CMKLR1: variants seen among roughly 807,000 people sequenced by gnomAD.
CMKLR1 encodes the protein chemerin chemokine-like receptor 1.
In CMKLR1, 6 loss-of-function variants were observed where a neutral mutation model predicts 8.2. The ratio of observed to expected loss-of-function variants is 0.73; its 90% CI spans 0.40 to 1.44. The LOEUF is 1.44. Ranked by LOEUF, CMKLR1 falls within the 40% of genes most tolerant of loss-of-function variation. The pLI is 0.02. For missense variants in CMKLR1, 429 were observed against 478.0 expected, an observed-to-expected ratio of 0.90 and a Z score of 0.96; for synonymous variants, 178 against 181.2, an observed-to-expected ratio of 0.98 and a Z score of 0.14.
intron 1 of CMKLR1, among the ~76,000 whole-genome samples, chr12:108,332,623 G>C (rs138999899): frequency 6.6e-6 from 1 of 152,292 alleles, no homozygotes; most frequent in East Asian, 1.9e-4. Context: ...CATGCTGGAT[G>C]CTTCTTGCCC....
intron 2 of CMKLR1, among the ~76,000 whole-genome samples, chr12:108,321,584 T>TA (rs146255064): frequency 0.012 from 1,903 of 152,278 alleles, 41 homozygotes; most frequent in African/African-American, 0.043. Context: ...GAGCACACCC[T>TA]AACACAGAAC....
chr12:108,334,411 T>C (rs764934050), intron 1 of CMKLR1, among the ~76,000 whole-genome samples: 6 of 152,198 alleles, frequency 3.9e-5, no homozygotes, highest in Non-Finnish European at 8.8e-5. Context: ...CTCAGTGTCT[T>C]CCAGGACCAC....
intron 2 of CMKLR1, among the ~76,000 whole-genome samples, chr12:108,296,830 A>T (rs1453011052): frequency 1.3e-5 from 2 of 152,154 alleles, no homozygotes; most frequent in East Asian, 3.8e-4. Flanking sequence ...CTTCAAAAAA[A>T]AAAAAAGAGG....
chr12:108,310,107 C>T (rs867674888), intron 2 of CMKLR1, among the ~76,000 whole-genome samples: 10 of 150,888 alleles, frequency 6.6e-5, no homozygotes, highest in Admixed American at 1.3e-4. Flanking sequence ...GTGGAGCAGC[C>T]GAGGGAAATG....
At chr12:108,308,470 T>A (rs530999176) in intron 2 of CMKLR1, among the ~76,000 whole-genome samples, 7 of 150,570 alleles carry the variant, frequency 4.6e-5, no homozygotes, top group African/African-American at 1.7e-4. Flanking sequence ...GACCTCTCGC[T>A]GGCCGCTCAA....
chr12:108,299,999 T>C (rs1891227373), intron 2 of CMKLR1, among the ~76,000 whole-genome samples: 1 of 152,250 alleles, frequency 6.6e-6, no homozygotes, highest in Admixed American at 6.5e-5. Context: ...ATTGCTGGCA[T>C]ATGCATCTGA....
intron 2 of CMKLR1, among the ~76,000 whole-genome samples, chr12:108,318,231 A>G (rs1456447283): frequency 6.6e-6 from 1 of 152,220 alleles, no homozygotes; most frequent in Non-Finnish European, 1.5e-5. Context: ...CATTTTCCAC[A>G]TATTCTTAAT....
chr12:108,303,419 A>G (rs926089223), intron 2 of CMKLR1, among the ~76,000 whole-genome samples: 1 of 152,260 alleles, frequency 6.6e-6, no homozygotes, highest in African/African-American at 2.4e-5. Flanking sequence ...TTTATTAAAC[A>G]AATACACGTA....
At chr12:108,296,138 T>C (rs1566018662) in intron 2 of CMKLR1, among the ~76,000 whole-genome samples, 1 of 152,122 alleles carries the variant, frequency 6.6e-6, no homozygotes, top group Non-Finnish European at 1.5e-5. Flanking sequence ...CCTGAGCACA[T>C]TTCTGCTACC....
At chr12:108,306,436 G>A (rs1209375566) in intron 2 of CMKLR1, among the ~76,000 whole-genome samples, 1 of 151,992 alleles carries the variant, frequency 6.6e-6, no homozygotes, top group Non-Finnish European at 1.5e-5. Context: ...CTCTGACTCA[G>A]AAACCAGACT....
intron 2 of CMKLR1, among the ~76,000 whole-genome samples, chr12:108,303,326 G>A (rs1029912760): frequency 6.6e-6 from 1 of 152,224 alleles, no homozygotes; most frequent in Non-Finnish European, 1.5e-5. Flanking sequence ...CCCTTGCTGG[G>A]AAAGGGACAG....
intron 2 of CMKLR1, among the ~76,000 whole-genome samples, chr12:108,307,780 A>G (rs1878023): frequency 0.023 from 3,511 of 152,324 alleles, 124 homozygotes; most frequent in African/African-American, 0.077. Context: ...GGGACAGGGC[A>G]TTAACACCTA....
At position 108,290,574 on chromosome 12, in the gene CMKLR1, T is replaced by C. The variant is rs1212766721; in HGVS notation, c.*1267A>G. ...TTCAGATCTTAACTCTGCCACTGATTAGCTGTGTGATGCTGGGCAAGTTAC... is the reference window on the plus strand; with the variant it reads ...TTCAGATCTTAACTCTGCCACTGATCAGCTGTGTGATGCTGGGCAAGTTAC... On this transcript the variant is annotated 3_prime_UTR_variant, in exon 4 of 4. Transcript: ENST00000550402. 1 of 152,216 alleles carries C rather than the reference T, an allele frequency of 6.6e-6. No individual in the cohort carries two copies. Among genetic ancestry groups the C allele is most frequent in the Non-Finnish European group, 1.5e-5 (1 of 68,042 alleles). The allele number at this position is 152,216 out of a possible 1,614,324, so 9.4% of individuals were successfully genotyped here.
In CMKLR1 at chr12:108,288,905, A is replaced by T. The variant is rs1890876910; in HGVS notation, c.*2936T>A. 1 of 152,024 alleles carries T rather than the reference A, an allele frequency of 6.6e-6. No homozygotes were observed. Among genetic ancestry groups the T allele is most frequent in the African/African-American group, 2.4e-5 (1 of 41,358 alleles). The allele number at this position is 152,024 out of a possible 1,614,324, so 9.4% of individuals were successfully genotyped here. A position where few individuals can be genotyped will look rare whatever the true frequency, so the allele number is the denominator to read the frequency against. The stretch of plus-strand genomic sequence containing the variant: ...CAGCTCCATACCTCACTAGCTGTGC[A>T]ACTCTGAACTAGTGAAGTCTGTTCT... On this transcript the variant is annotated 3_prime_UTR_variant, in exon 4 of 4. Coordinates refer to ENST00000550402, the MANE Select transcript of CMKLR1 (RefSeq NM_001142343.2).
rs1175932307 is a variant in CMKLR1, at chr12:108,310,877, C to A, written c.-73-17213G>T. Among the ~76,000 whole-genome samples, 4 of 152,260 alleles carry A rather than the reference C, an allele frequency of 2.6e-5. No individual in the cohort carries two copies. The South Asian group carries it at 6.2e-4, about 24-fold the overall frequency. ...ACAGGAGGGAGGCAGTGCTGAGGGG[C>A]AGCCAGAACCTGCAGCTCACCAGGG... On this transcript the variant is annotated intron_variant, in intron 2 of 3. Coordinates refer to ENST00000550402, the MANE Select transcript of CMKLR1 (RefSeq NM_001142343.2).
At chr12:108,337,146 T>G (rs1042217368) in intron 1 of CMKLR1, among the ~76,000 whole-genome samples, 1 of 152,214 alleles carries the variant, frequency 6.6e-6, no homozygotes, top group Non-Finnish European at 1.5e-5. Context: ...TGCCCCTTCT[T>G]GCACAATGTT....
intron 2 of CMKLR1, among the ~76,000 whole-genome samples, chr12:108,302,077 C>T (rs917915845): frequency 6.6e-6 from 1 of 152,178 alleles, no homozygotes; most frequent in Non-Finnish European, 1.5e-5. Context: ...AACAGCGACC[C>T]TGACAGGACA....
At position 108,292,540 on chromosome 12, in the gene CMKLR1, C is replaced by T. The variant is rs913838276; in HGVS notation, c.423G>A (p.Val141=). Residue 141 remains valine (V), a synonymous_variant, in exon 4 of 4, where the codon GTG becomes GTA. Transcript: ENST00000550402. ...GGTTCTGGGACCAGACAGGGAGGAGCACAGAGATGCAGCGGTCAGAGCTGA... is the reference window on the plus strand; with the variant it reads ...GGTTCTGGGACCAGACAGGGAGGAGTACAGAGATGCAGCGGTCAGAGCTGA... The part of the protein sequence containing the change: ...TIISSDRCIS[V]LLPVWSQNHR... The T allele has an allele frequency of 1.2e-6, 2 of 1,614,114 alleles. No individual in the cohort carries two copies. The highest frequency in any genetic ancestry group is 1.7e-6 in the Non-Finnish European group (2 of 1,180,016).
At chr12:108,316,768 G>A (rs997398815) in intron 2 of CMKLR1, among the ~76,000 whole-genome samples, 7 of 152,164 alleles carry the variant, frequency 4.6e-5, no homozygotes, top group East Asian at 1.9e-4. Flanking sequence ...AGGGAGCTAC[G>A]GGCAAGGTGT....
Sources: allele counts gnomAD v4.1 joint callset (sites outside exome capture counted in the v4.1 genomes callset), GRCh38; gene constraint gnomAD v4.1.1; transcripts MANE v1.5; gene names NCBI Gene and HGNC (gene_info 2026-07-23, HGNC 2026-07-21).